POU3F3: variants seen among roughly 807,000 people sequenced by gnomAD.
POU3F3 encodes POU domain, class 3, transcription factor 3.
POU3F3 carries 1 observed loss-of-function variant against 8.6 expected under a neutral mutation model. That is an observed-to-expected ratio of 0.12 (90% CI 0.04 to 0.55). POU3F3 has a LOEUF of 0.55. Ranked by LOEUF, POU3F3 falls within the 20% of genes least tolerant of loss-of-function variation. POU3F3 has a pLI of 0.91. For synonymous variants in POU3F3, 418 were observed against 327.4 expected (o/e 1.28, Z -2.99); for missense variants, 577 against 690.7 (o/e 0.84, Z 1.84).
chr2:104,884,940 C>T, the POU3F3 span, among the ~76,000 whole-genome samples: 4 of 152,094 alleles, frequency 2.6e-5, no homozygotes, highest in Non-Finnish European at 2.9e-5. Flanking sequence ...GTGTCTGATA[C>T]GGCTCCTCAC....
At chr2:104,893,061 CA>C in the POU3F3 span, among the ~76,000 whole-genome samples, 1 of 152,104 alleles carries the variant, frequency 6.6e-6, no homozygotes, top group Non-Finnish European at 1.5e-5. Context: ...GGTGGCTCTG[CA>C]AAATTAAATT....
chr2:104,889,850 T>C, the POU3F3 span, among the ~76,000 whole-genome samples: 1 of 152,236 alleles, frequency 6.6e-6, no homozygotes, highest in Non-Finnish European at 1.5e-5. Flanking sequence ...TCAACATGCC[T>C]AATTAACAGC....
the POU3F3 span, among the ~76,000 whole-genome samples, chr2:104,915,842 T>C: frequency 6.6e-6 from 1 of 152,114 alleles, no homozygotes; most frequent in African/African-American, 2.4e-5. Flanking sequence ...TTTCACCTTA[T>C]AACTCATCAC....
At chr2:104,878,709 C>T in the POU3F3 span, among the ~76,000 whole-genome samples, 1 of 152,148 alleles carries the variant, frequency 6.6e-6, no homozygotes, top group South Asian at 2.1e-4. Flanking sequence ...CCCATCCTTA[C>T]CACCTCCTGG....
chr2:104,864,479 C>A, the POU3F3 span, among the ~76,000 whole-genome samples: 1 of 152,190 alleles, frequency 6.6e-6, no homozygotes, highest in East Asian at 1.9e-4. Context: ...AACAGTGGAA[C>A]TGAAACCATA....
the POU3F3 span, among the ~76,000 whole-genome samples, chr2:104,922,262 G>A: frequency 5.3e-5 from 8 of 151,394 alleles, no homozygotes; most frequent in African/African-American, 1.9e-4. Context: ...AAAATCATAA[G>A]GCATACAAAG....
At position 104,856,474 on chromosome 2, in the gene POU3F3, C is replaced by T; in HGVS notation, c.964C>T (p.Leu322=). Residue 322 remains leucine (L), a synonymous_variant, in exon 1 of 1, where the codon CTG becomes TTG. Transcript: ENST00000361360. ...SDEDTPTSDD[L]EQFAKQFKQR... is the part of the protein sequence containing the mutation. ...CGAGGACACGCCGACGTCGGACGAC[C>T]TGGAGCAGTTCGCCAAGCAGTTCAA... 1 of 1,613,474 alleles carries T rather than the reference C, an allele frequency of 6.2e-7. No homozygotes were observed. Among genetic ancestry groups the T allele is most frequent in the Non-Finnish European group, 8.5e-7 (1 of 1,179,954 alleles).
the POU3F3 span, among the ~76,000 whole-genome samples, chr2:104,863,964 T>C: frequency 6.6e-6 from 1 of 152,168 alleles, no homozygotes; most frequent in Non-Finnish European, 1.5e-5. Context: ...CGCCAGGCCC[T>C]GCGCGCCGCA....
At chr2:104,865,060 G>A in the POU3F3 span, among the ~76,000 whole-genome samples, 1 of 152,184 alleles carries the variant, frequency 6.6e-6, no homozygotes, top group Non-Finnish European at 1.5e-5. Flanking sequence ...AAATGTCTGT[G>A]GAAATGTCCC....
the POU3F3 span, among the ~76,000 whole-genome samples, chr2:104,900,970 G>A: frequency 6.6e-6 from 1 of 152,124 alleles, no homozygotes; most frequent in Non-Finnish European, 1.5e-5. Flanking sequence ...GTCTCCCCCT[G>A]GTTGCCTGCT....
chr2:104,884,492 C>A, the POU3F3 span, among the ~76,000 whole-genome samples: 1 of 152,160 alleles, frequency 6.6e-6, no homozygotes, highest in East Asian at 1.9e-4. Context: ...TCTCTGTGAG[C>A]CTCAAGCCAA....
chr2:104,882,797 C>T, the POU3F3 span, among the ~76,000 whole-genome samples: 2 of 152,152 alleles, frequency 1.3e-5, no homozygotes, highest in Admixed American at 6.5e-5. Flanking sequence ...GAGTTATGTA[C>T]ACCTTCCCAC....
the POU3F3 span, among the ~76,000 whole-genome samples, chr2:104,924,839 A>G: frequency 6.6e-6 from 1 of 152,230 alleles, no homozygotes; most frequent in Admixed American, 6.5e-5. Context: ...CCAGTCCCAA[A>G]ATTTTGCCAG....
At chr2:104,899,288 G>C in the POU3F3 span, among the ~76,000 whole-genome samples, 1 of 152,224 alleles carries the variant, frequency 6.6e-6, no homozygotes, top group Non-Finnish European at 1.5e-5. Flanking sequence ...CATGAGTGCT[G>C]TGTGAGCCCA....
At chr2:104,909,424 G>A in the POU3F3 span, among the ~76,000 whole-genome samples, 1 of 152,238 alleles carries the variant, frequency 6.6e-6, no homozygotes, top group Non-Finnish European at 1.5e-5. Context: ...CCAGCCAAGA[G>A]ATGTGTGTGT....
At chr2:104,875,278 A>T in the POU3F3 span, among the ~76,000 whole-genome samples, 1 of 152,224 alleles carries the variant, frequency 6.6e-6, no homozygotes, top group Non-Finnish European at 1.5e-5. Flanking sequence ...GGCCATTGTG[A>T]ATGATGCTGC....
the POU3F3 span, chr2:104,868,332 T>C: frequency 2.2e-6 from 1 of 456,630 alleles, no homozygotes; most frequent in Non-Finnish European, 4.4e-6. Flanking sequence ...AGTGCAGCAG[T>C]GCAAGCATCA....
At chr2:104,900,030 C>T in the POU3F3 span, among the ~76,000 whole-genome samples, 1 of 152,264 alleles carries the variant, frequency 6.6e-6, no homozygotes, top group African/African-American at 2.4e-5. Flanking sequence ...TGCCATAGTT[C>T]CAAATTGAAA....
rs1026355888 is a variant in POU3F3 at position 104,857,221 on chromosome 2, G to A, written c.*208G>A. On this transcript the variant is annotated 3_prime_UTR_variant, in exon 1 of 1. Coordinates refer to ENST00000361360, the MANE Select transcript of POU3F3 (RefSeq NM_006236.3). The stretch of plus-strand genomic sequence containing the variant: ...GAGACAGGCATGCCCGCCCTTGGAG[G>A]AGAAAACGCGGGAGAAACGGACCAA... 2.1e-6 allele frequency: 1 copy of A among 483,972 alleles called. No homozygotes were observed. Among genetic ancestry groups the A allele is most frequent in the Non-Finnish European group, 2.7e-6 (1 of 370,156 alleles). The allele number at this position is 483,972 out of a possible 1,614,324, so 30.0% of individuals were successfully genotyped here. A position where few individuals can be genotyped will look rare whatever the true frequency, so the allele number is the denominator to read the frequency against.
Sources: allele counts gnomAD v4.1 joint callset (sites outside exome capture counted in the v4.1 genomes callset), GRCh38; gene constraint gnomAD v4.1.1; transcripts MANE v1.5; gene names NCBI Gene and HGNC (gene_info 2026-07-23, HGNC 2026-07-21).